The following ZDHHC22 variants were observed in gnomAD, a reference collection of about 807,000 sequenced individuals.
The protein encoded by ZDHHC22 is palmitoyltransferase ZDHHC22.
Under a neutral mutation model 17.0 loss-of-function variants are expected in ZDHHC22, and 13 were observed. The observed-to-expected ratio is 0.76, with a 90% CI of 0.50 to 1.21. The LOEUF (loss-of-function observed/expected upper bound fraction) is 1.21, where lower values mean the gene tolerates loss of function less well. ZDHHC22 is among the 50% of genes most tolerant of loss of function. The pLI, the probability that ZDHHC22 is intolerant of heterozygous loss-of-function variation, is 0.00. For synonymous variants in ZDHHC22, 138 were observed against 154.7 expected (o/e 0.89, Z 0.80); for missense variants, 319 against 342.3 (o/e 0.93, Z 0.54).
rs1887198927 is a variant in ZDHHC22 at position 77,139,344 on chromosome 14, T to C, written c.395A>G (p.Tyr132Cys). Reference sequence around the variant, plus strand: ...GGAGTAGAGGCAGGCCAGGGAGGTGTAGAGGCAGAACAGGACGAAGTTGCG... The same window carrying C: ...GGAGTAGAGGCAGGCCAGGGAGGTGCAGAGGCAGAACAGGACGAAGTTGCG... ...NMRNFVLFCL[Y>C]TSLACLYSMV... The change falls in exon 2 of 3, where the codon TAC (tyrosine) becomes TGC (cysteine). Residue 132 changes from tyrosine to cysteine, a missense_variant. Transcript: ENST00000319374. The C allele has an allele frequency of 6.2e-7, 1 of 1,600,080 alleles. No individual in the cohort carries two copies. Among genetic ancestry groups the C allele is most frequent in the Non-Finnish European group, 8.5e-7 (1 of 1,173,892 alleles).
Position 77,139,476 on chromosome 14 carries a change from G to A in ZDHHC22, c.263C>T (p.Pro88Leu). The A allele has an allele frequency of 6.2e-7, 1 of 1,613,116 alleles. No individual in the cohort carries two copies. Among genetic ancestry groups the A allele is most frequent in the Non-Finnish European group, 8.5e-7 (1 of 1,179,584 alleles). Residue 88 changes from proline to leucine, a missense_variant, in exon 2 of 3, where the codon CCA (proline) becomes CTA (leucine). Pro to Leu is a moderately conservative substitution (Grantham distance 98). Transcript: ENST00000319374. ...ACQGASARKT[P>L]CPSPSTHFCR... ...GAAGTGGGTGCTAGGTGAGGGGCAT[G>A]GAGTCTTCCTGGCCGAGGCCCCCTG...
rs936403303 is a variant in ZDHHC22 at position 77,140,091 on chromosome 14, C to A, written c.-14-339G>T. Among the ~76,000 whole-genome samples the A allele has an allele frequency of 2.0e-5, 3 of 151,982 alleles. No individual in the cohort carries two copies. The highest frequency in any genetic ancestry group is 7.2e-5 in the African/African-American group (3 of 41,384). ...GGGTGGGGGGCACCGGGGGATAGGA[C>A]TCCTCCCCTCTGTGGATGTGGAAAC... On this transcript the variant is annotated intron_variant, in intron 1 of 2. Transcript: ENST00000319374. The surrounding 1 kb of genome is among the most constrained non-coding windows in gnomAD (Gnocchi z 5.9).
In ZDHHC22 at chr14:77,139,503, C is replaced by A; in HGVS notation, c.236G>T (p.Cys79Phe). ...IQNSPDDLGA[C>F]QGASARKTPC... ...AGTCTTCCTGGCCGAGGCCCCCTGG[C>A]AGGCCCCCAGGTCGTCTGGGGAGTT... Residue 79 changes from cysteine (C) to phenylalanine (F), a missense_variant, in exon 2 of 3, where the codon TGC (cysteine) becomes TTC (phenylalanine). By Grantham distance (205) the Cys-to-Phe change is radical. Transcript: ENST00000319374. 1 of 1,612,080 alleles carries A rather than the reference C, an allele frequency of 6.2e-7. No homozygotes were observed. The highest frequency in any genetic ancestry group is 8.5e-7 in the Non-Finnish European group (1 of 1,179,200).
At position 77,140,344 on chromosome 14, in the gene ZDHHC22, A is replaced by ATGTG. The variant is rs148264992; in HGVS notation, c.-14-596_-14-593dup. 2.0e-3 allele frequency among the ~76,000 whole-genome samples: 302 copies of ATGTG among 151,710 alleles called. 2 individuals are homozygous for ATGTG. The highest frequency in any genetic ancestry group is 7.0e-3 in the African/African-American group (289 of 41,392). On this transcript the variant is annotated intron_variant, in intron 1 of 2. Transcript: ENST00000319374. This position sits in a 1 kb window ranked among gnomAD's most constrained non-coding sequence, Gnocchi z 5.9. ...AGGTATGTGTGCGTGAGGGACCACG[A>ATGTG]TGTGTGTGTGTGTGTCCTTGTCTGT... is the stretch of plus-strand genomic sequence containing the variant.
rs1338559665 is a variant in ZDHHC22 at position 77,140,794 on chromosome 14, C to A, written c.-15+809G>T. The A allele has an allele frequency of 6.6e-6, 1 of 152,262 alleles. No individual in the cohort carries two copies. The highest frequency in any genetic ancestry group is 1.9e-4 in the East Asian group (1 of 5,192). The allele number at this position is 152,262 out of a possible 1,614,324, so 9.4% of individuals were successfully genotyped here. ...GATCGACCCCGCCGCCGTGCTCAGCCCTCACCACGTCCCCATCCCACCCCA... is the reference window on the plus strand; with the variant it reads ...GATCGACCCCGCCGCCGTGCTCAGCACTCACCACGTCCCCATCCCACCCCA... On this transcript the variant is annotated intron_variant, in intron 1 of 2. Coordinates refer to ENST00000319374, the MANE Select transcript of ZDHHC22 (RefSeq NM_174976.2). The surrounding 1 kb of genome is among the most constrained non-coding windows in gnomAD (Gnocchi z 5.9).
chr14:77,139,993 G>T (rs1159100660), intron 1 of ZDHHC22, among the ~76,000 whole-genome samples: 2 of 152,192 alleles, frequency 1.3e-5, no homozygotes, highest in Admixed American at 1.3e-4. Flanking sequence ...GGTTTTGAGC[G>T]AGCTCGGCGC....
At position 77,133,728 on chromosome 14, in the gene ZDHHC22, G is replaced by A. The variant is rs1887078142; in HGVS notation, c.747C>T (p.Pro249=). 1 of 1,613,878 alleles carries A rather than the reference G, an allele frequency of 6.2e-7. No homozygotes were observed. The highest frequency in any genetic ancestry group is 1.7e-5 in the Admixed American group (1 of 60,000). ...AGCTCTCACTTCCGACATTGAACATGGGGACCAGCAGGCCCAGCAGCCACC... is the reference window on the plus strand; with the variant it reads ...AGCTCTCACTTCCGACATTGAACATAGGGACCAGCAGGCCCAGCAGCCACC... ...GKRWLLGLLV[P]MFNVGSESSK... The change falls in exon 3 of 3, where the codon CCC becomes CCT. Residue 249 remains proline, a synonymous_variant. Transcript: ENST00000319374.
intron 2 of ZDHHC22, among the ~76,000 whole-genome samples, chr14:77,137,979 A>G (rs143971685): frequency 5.8e-4 from 88 of 152,344 alleles, no homozygotes; most frequent in African/African-American, 2.0e-3. Flanking sequence ...ACTGCCACTC[A>G]GTAGCAGGAA....
In ZDHHC22 at chr14:77,133,609, A is replaced by C. The variant is rs907664416; in HGVS notation, c.*74T>G. The C allele has an allele frequency of 1.9e-6, 3 of 1,548,916 alleles. No homozygotes were observed. The highest frequency in any genetic ancestry group is 3.7e-5 in the Admixed American group (2 of 54,070). ...CAAGGTTGTAGTGAGTCATGGGTGGAGACAAGGCTGCCATGGTTTTATGCT... is the reference window on the plus strand; with the variant it reads ...CAAGGTTGTAGTGAGTCATGGGTGGCGACAAGGCTGCCATGGTTTTATGCT... On this transcript the variant is annotated 3_prime_UTR_variant, in exon 3 of 3. Transcript: ENST00000319374.
At chr14:77,134,390 G>A (rs531321406) in intron 2 of ZDHHC22, among the ~76,000 whole-genome samples, 54 of 152,234 alleles carry the variant, frequency 3.5e-4, no homozygotes, top group Non-Finnish European at 7.1e-4. Flanking sequence ...CAGGTGCCTG[G>A]GCAGCTGTCT....
intron 1 of ZDHHC22, 67 bp from the exon 2 acceptor site, chr14:77,139,819 C>A: frequency 7.0e-7 from 1 of 1,419,276 alleles, no homozygotes; most frequent in South Asian, 1.5e-5. Flanking sequence ...TCGCCCGCTC[C>A]TCCGTGCCGC....
chr14:77,140,208 C>T lies in ZDHHC22; in HGVS notation c.-14-456G>A, dbSNP rs911931728. On this transcript the variant is annotated intron_variant, in intron 1 of 2. Transcript: ENST00000319374. The surrounding 1 kb of genome is among the most constrained non-coding windows in gnomAD (Gnocchi z 5.9). ...GGGCAGGAGAATCAGCGGCACTTGA[C>T]CTGCTGGAAATCCTGCTTCACACTC... Among the ~76,000 whole-genome samples, 1 of 152,112 alleles carries T rather than the reference C, an allele frequency of 6.6e-6. No homozygotes were observed. The highest frequency in any genetic ancestry group is 2.4e-5 in the African/African-American group (1 of 41,418).
intron 2 of ZDHHC22, among the ~76,000 whole-genome samples, chr14:77,138,761 T>C (rs67861817): frequency 0.06 from 9,180 of 151,984 alleles, 418 homozygotes; most frequent in African/African-American, 0.12. Context: ...AGTCCTTGGG[T>C]GACATGTAAG....
In ZDHHC22 at chr14:77,133,368, C is replaced by T. The variant is rs1279870813; in HGVS notation, c.*315G>A. The T allele has an allele frequency of 1.3e-5, 4 of 319,392 alleles. No individual in the cohort carries two copies. In the South Asian group the frequency reaches 1.7e-4, roughly 14 times the overall value. The allele number at this position is 319,392 out of a possible 1,614,324, so 19.8% of individuals were successfully genotyped here. On this transcript the variant is annotated 3_prime_UTR_variant, in exon 3 of 3. Coordinates refer to ENST00000319374, the MANE Select transcript of ZDHHC22 (RefSeq NM_174976.2). Reference sequence around the variant, plus strand: ...GCAGACAGCAGTGATGAATGAGACACGGTGGAGAATGGATGAGCCAGGAAG... The same window carrying T: ...GCAGACAGCAGTGATGAATGAGACATGGTGGAGAATGGATGAGCCAGGAAG...
chr14:77,140,004 C>T lies in ZDHHC22; in HGVS notation c.-14-252G>A, dbSNP rs965686400. Among the ~76,000 whole-genome samples, 4 of 152,310 alleles carry T rather than the reference C, an allele frequency of 2.6e-5. No individual in the cohort carries two copies. The highest frequency in any genetic ancestry group is 1.9e-4 in the East Asian group (1 of 5,176). ...CTGGGGTTTTGAGCGAGCTCGGCGCCTTGGCGCGGCAGAGTCTGGCACAGG... is the reference window on the plus strand; with the variant it reads ...CTGGGGTTTTGAGCGAGCTCGGCGCTTTGGCGCGGCAGAGTCTGGCACAGG... On this transcript the variant is annotated intron_variant, in intron 1 of 2. Transcript: ENST00000319374. This position sits in a 1 kb window ranked among gnomAD's most constrained non-coding sequence, Gnocchi z 5.9.
At chr14:77,139,062 A>G in intron 2 of ZDHHC22, 151 bp downstream of exon 2, 1 of 898,298 alleles carries the variant, frequency 1.1e-6, no homozygotes, top group Non-Finnish European at 1.7e-6. Context: ...AAAAATTATG[A>G]GTTGTTTATC....
chr14:77,140,819 A>ACGCC lies in ZDHHC22; in HGVS notation c.-15+780_-15+783dup. On this transcript the variant is annotated intron_variant, in intron 1 of 2. Transcript: ENST00000319374. This position sits in a 1 kb window ranked among gnomAD's most constrained non-coding sequence, Gnocchi z 5.9. Reference sequence around the variant, plus strand: ...CCTCACCACGTCCCCATCCCACCCCACGCCTCACAGCCGGGGTTCCTGGCC... The same window carrying ACGCC: ...CCTCACCACGTCCCCATCCCACCCCACGCCCGCCTCACAGCCGGGGTTCCTGGCC... 6.6e-6 allele frequency: 1 copy of ACGCC among 151,244 alleles called. No homozygotes were observed. The highest frequency in any genetic ancestry group is 1.9e-4 in the East Asian group (1 of 5,136). 9.4% of individuals were successfully genotyped at this position (151,244 alleles called of 1,614,324 possible).
chr14:77,136,478 G>C (rs113960120), intron 2 of ZDHHC22, among the ~76,000 whole-genome samples: 1 of 152,280 alleles, frequency 6.6e-6, no homozygotes, highest in African/African-American at 2.4e-5. Flanking sequence ...CAAATGCCAA[G>C]ATACAGGTCA....
At chr14:77,141,404 G>C (rs1020493946) in intron 1 of ZDHHC22, 199 bp downstream of exon 1, 1 of 152,556 alleles carries the variant, frequency 6.6e-6, no homozygotes, top group Non-Finnish European at 1.5e-5. Flanking sequence ...GGGGCCCCGG[G>C]GTGTAGGGAG....
Sources: gnomAD v4.1 joint callset for allele counts (sites outside exome capture counted in the v4.1 genomes callset) on GRCh38, gnomAD v4.1.1 for gene constraint, Gnocchi (gnomAD v3.1) non-coding constraint, MANE v1.5 for transcripts, NCBI Gene and HGNC (gene_info 2026-07-23, HGNC 2026-07-21) for gene names.